SMURF2: variants seen among roughly 807,000 people sequenced by gnomAD.
The protein encoded by SMURF2 is E3 ubiquitin-protein ligase SMURF2.
SMURF2 carries 48 observed loss-of-function variants against 109.6 expected under a neutral mutation model. The ratio of observed to expected loss-of-function variants is 0.44; its 90% CI spans 0.35 to 0.56. The LOEUF (loss-of-function observed/expected upper bound fraction) is 0.56, where lower values mean the gene tolerates loss of function less well. SMURF2 is among the 20% of genes least tolerant of loss of function. SMURF2 has a pLI of 0.01. For missense variants in SMURF2, 575 were observed against 909.0 expected, an observed-to-expected ratio of 0.63 and a Z score of 4.72; for synonymous variants, 288 against 317.1, an observed-to-expected ratio of 0.91 and a Z score of 0.97.
At chr17:64,598,286 C>G (rs782574817) in intron 3 of SMURF2, 96 bp downstream of exon 3, 8 of 1,094,192 alleles carry the variant, frequency 7.3e-6, no homozygotes, top group Non-Finnish European at 1.0e-5. Flanking sequence ...AATTATACCA[C>G]AGATGAAACC....
In SMURF2 at chr17:64,546,298, A is replaced by G. The variant is rs1568168456; in HGVS notation, c.2112T>C (p.Asp704=). Residue 704 remains aspartate, a synonymous_variant, in exon 18 of 19, where the codon GAT becomes GAC. Coordinates refer to ENST00000262435, the MANE Select transcript of SMURF2 (RefSeq NM_022739.4). ...CTTTCGGCAGGTTGTTAGTGCAGGCATCAATCTGGTGTATGGTAAAGAGTC... is the reference window on the plus strand; with the variant it reads ...CTTTCGGCAGGTTGTTAGTGCAGGCGTCAATCTGGTGTATGGTAAAGAGTC... ...GPRLFTIHQI[D]ACTNNLPKAH... is the part of the protein sequence containing the mutation. 1.2e-6 allele frequency: 2 copies of G among 1,614,108 alleles called. No homozygotes were observed. The highest frequency in any genetic ancestry group is 1.7e-6 in the Non-Finnish European group (2 of 1,179,964).
intron 1 of SMURF2, among the ~76,000 whole-genome samples, chr17:64,614,592 GAC>G (rs1555689946): frequency 6.6e-6 from 1 of 152,136 alleles, no homozygotes; most frequent in Non-Finnish European, 1.5e-5. Context: ...TCCTTTTTCA[GAC>G]AGATGGTTTG....
At chr17:64,557,844 A>T (rs975956055) in intron 12 of SMURF2, 122 bp from the exon 13 acceptor site, 2 of 576,752 alleles carry the variant, frequency 3.5e-6, no homozygotes, top group Non-Finnish European at 6.1e-6. Flanking sequence ...AAAAAGCACT[A>T]ACTACAGTTA....
At chr17:64,651,475 G>C (rs1425432545) in intron 1 of SMURF2, among the ~76,000 whole-genome samples, 1 of 146,504 alleles carries the variant, frequency 6.8e-6, no homozygotes, top group East Asian at 2.1e-4. Context: ...CAGAGGCCAA[G>C]GCAGAAGAAC....
intron 1 of SMURF2, among the ~76,000 whole-genome samples, chr17:64,630,770 T>TG (rs1298916725): frequency 2.0e-5 from 3 of 152,216 alleles, no homozygotes; most frequent in African/African-American, 4.8e-5. Flanking sequence ...ACAAACTTCT[T>TG]GAAGGCTCCA....
chr17:64,572,073 T>C (rs1555685621), intron 9 of SMURF2, 117 bp from the exon 10 acceptor site: 3 of 891,676 alleles, frequency 3.4e-6, no homozygotes, highest in Non-Finnish European at 4.8e-6. Context: ...TTTCAGAAAC[T>C]TGAGATGTTC....
At chr17:64,616,677 G>C (rs925866817) in intron 1 of SMURF2, among the ~76,000 whole-genome samples, 2 of 149,812 alleles carry the variant, frequency 1.3e-5, no homozygotes, top group Admixed American at 6.7e-5. Flanking sequence ...AAAAGAACTA[G>C]AGCTGAGATT....
chr17:64,592,445 T>C (rs1969763248), intron 4 of SMURF2, among the ~76,000 whole-genome samples: 2 of 152,242 alleles, frequency 1.3e-5, no homozygotes, highest in African/African-American at 4.8e-5. Context: ...TAAGAACTTC[T>C]AGCTCAATTT....
intron 10 of SMURF2, among the ~76,000 whole-genome samples, chr17:64,566,513 C>CA (rs1969304138): frequency 9.0e-6 from 1 of 110,510 alleles, no homozygotes; most frequent in African/African-American, 3.7e-5. Context: ...AAGAAAAAAA[C>CA]AAAACAAAAC....
rs1480882570 is a variant in SMURF2 at position 64,545,128 on chromosome 17, A to G, written c.*720T>C. On this transcript the variant is annotated 3_prime_UTR_variant, in exon 19 of 19. Transcript: ENST00000262435. ...GAGCCCCTGAACACATCTTATTGTC[A>G]CAAATAAATGACTAAGTTTAGACTA... 6.6e-6 allele frequency: 1 copy of G among 152,326 alleles called. No homozygotes were observed. Among genetic ancestry groups the G allele is most frequent in the East Asian group, 1.9e-4 (1 of 5,196 alleles). 9.4% of individuals were successfully genotyped at this position (152,326 alleles called of 1,614,324 possible). A position where few individuals can be genotyped will look rare whatever the true frequency, so the allele number is the denominator to read the frequency against.
chr17:64,557,247 G>A (rs1321530738), intron 13 of SMURF2, among the ~76,000 whole-genome samples: 1 of 152,130 alleles, frequency 6.6e-6, no homozygotes, highest in Admixed American at 6.6e-5. Context: ...CCATGAACTT[G>A]CCCTGAAAGG....
intron 1 of SMURF2, among the ~76,000 whole-genome samples, chr17:64,654,174 G>C (rs1970675874): frequency 6.6e-6 from 1 of 152,130 alleles, no homozygotes; most frequent in Non-Finnish European, 1.5e-5. Context: ...CATCCACGTG[G>C]TAATTCCTCC....
At chr17:64,659,495 A>C (rs1189515714) in intron 1 of SMURF2, among the ~76,000 whole-genome samples, 11 of 148,456 alleles carry the variant, frequency 7.4e-5, no homozygotes, top group Admixed American at 4.8e-4. Flanking sequence ...AACATTTCTT[A>C]AGGTCTTCAC....
intron 1 of SMURF2, among the ~76,000 whole-genome samples, chr17:64,621,998 T>G (rs1439301756): frequency 7.3e-6 from 1 of 137,098 alleles, no homozygotes; most frequent in South Asian, 2.1e-4. Context: ...AAAAAAGCAC[T>G]GTAGTGAGCC....
At chr17:64,598,677 A>G (rs1340905067) in intron 2 of SMURF2, among the ~76,000 whole-genome samples, 187 bp from the exon 3 acceptor site, 1 of 152,222 alleles carries the variant, frequency 6.6e-6, no homozygotes, top group African/African-American at 2.4e-5. Flanking sequence ...TACCAAAACT[A>G]TATTTTTTCT....
intron 1 of SMURF2, among the ~76,000 whole-genome samples, chr17:64,646,281 G>A (rs879976522): frequency 2.0e-5 from 3 of 151,510 alleles, no homozygotes; most frequent in Non-Finnish European, 4.4e-5. Context: ...GGCCAGGCTG[G>A]TATTGAACTC....
chr17:64,620,853 G>A (rs1403403691), intron 1 of SMURF2, among the ~76,000 whole-genome samples: 1 of 152,098 alleles, frequency 6.6e-6, no homozygotes, highest in African/African-American at 2.4e-5. Context: ...AACCACTGAC[G>A]AGTTATAAGG....
chr17:64,622,757 T>G (rs1333103538), intron 1 of SMURF2, among the ~76,000 whole-genome samples: 1 of 152,172 alleles, frequency 6.6e-6, no homozygotes, highest in Non-Finnish European at 1.5e-5. Context: ...ACTGTAAAGT[T>G]CCTCTTTTTC....
intron 12 of SMURF2, among the ~76,000 whole-genome samples, chr17:64,559,670 C>T (rs780713681): frequency 1.7e-4 from 26 of 150,880 alleles, no homozygotes; most frequent in African/African-American, 4.2e-4. Flanking sequence ...CTTAGGGAGG[C>T]GGAGGCTGGA....
Sources: allele counts gnomAD v4.1 joint callset (sites outside exome capture counted in the v4.1 genomes callset), GRCh38; gene constraint gnomAD v4.1.1; transcripts MANE v1.5; gene names NCBI Gene and HGNC (gene_info 2026-07-23, HGNC 2026-07-21).